FZD7: variants seen among roughly 807,000 people sequenced by gnomAD.
FZD7 encodes the protein frizzled class receptor 7, also known as frizzled-7.
In FZD7, 21 loss-of-function variants were observed where a neutral mutation model predicts 39.0. The ratio of observed to expected loss-of-function variants is 0.54; its 90% CI spans 0.38 to 0.78. The LOEUF (loss-of-function observed/expected upper bound fraction) is 0.78. Among genes scored for constraint, FZD7 ranks in the 30% least tolerant of loss-of-function variants. FZD7 has a pLI of 0.00. For synonymous variants in FZD7, 428 were observed against 364.9 expected, an observed-to-expected ratio of 1.17 and a Z score of -1.97; for missense variants, 695 against 805.0, an observed-to-expected ratio of 0.86 and a Z score of 1.65.
In FZD7 at chr2:202,036,240, G is replaced by T. The variant is rs1190426799; in HGVS notation, c.1593G>T (p.Met531Ile). ...PPMSPDFTVF[M>I]IKYLMTMIVG... is the part of the protein sequence containing the mutation. Reference sequence around the variant, plus strand: ...TGAGCCCCGACTTCACCGTCTTCATGATCAAGTACCTGATGACCATGATCG... The same window carrying T: ...TGAGCCCCGACTTCACCGTCTTCATTATCAAGTACCTGATGACCATGATCG... The change falls in exon 1 of 1, where the codon ATG becomes ATT. Residue 531 changes from methionine to isoleucine, a missense_variant. Met to Ile is a conservative substitution (Grantham distance 10, BLOSUM62 1). Transcript: ENST00000286201. 5 of 1,613,248 alleles carry T rather than the reference G, an allele frequency of 3.1e-6. No homozygotes were observed. The African/African-American group carries it at 5.3e-5, about 17-fold the overall frequency.
In FZD7 at chr2:202,035,579, A is replaced by G. The variant is rs766695859; in HGVS notation, c.932A>G (p.Asp311Gly). ...VAHVAGFLLE[D>G]RAVCVERFSD... is the part of the protein sequence containing the mutation. ...CACGTGGCCGGCTTCCTTCTAGAGG[A>G]CCGCGCCGTGTGCGTGGAGCGCTTC... The change falls in exon 1 of 1, where the codon GAC (aspartate) becomes GGC (glycine). Residue 311 changes from aspartate (D) to glycine (G), a missense_variant. Asp to Gly is a moderately conservative substitution (Grantham distance 94, BLOSUM62 -1). Coordinates refer to ENST00000286201, the MANE Select transcript of FZD7 (RefSeq NM_003507.2). 15 of 1,613,678 alleles carry G rather than the reference A, an allele frequency of 9.3e-6. No homozygotes were observed. The highest frequency in any genetic ancestry group is 8.5e-7 in the Non-Finnish European group (1 of 1,179,980).
rs577245847 is a variant in FZD7, at chr2:202,034,075, G to A, written c.-573G>A. Among the ~76,000 whole-genome samples, 32 of 152,050 alleles carry A rather than the reference G, an allele frequency of 2.1e-4. No homozygotes were observed. Among genetic ancestry groups the A allele is most frequent in the African/African-American group, 7.2e-4 (30 of 41,528 alleles). On this transcript the variant is annotated 5_prime_UTR_variant, in exon 1 of 1. Transcript: ENST00000286201. ...CTCAGCAAGAGCCGGCCGTTTGGCT[G>A]AAACTTGGGGCCGAGCTTTTGGGGC...
chr2:202,034,577 G>T lies in FZD7; in HGVS notation c.-71G>T, dbSNP rs1005445598. 1.5e-6 allele frequency: 2 copies of T among 1,315,410 alleles called. No individual in the cohort carries two copies. Among genetic ancestry groups the T allele is most frequent in the Admixed American group, 2.6e-5 (1 of 38,430 alleles). 81.5% of individuals were successfully genotyped at this position (1,315,410 alleles called of 1,614,324 possible). On this transcript the variant is annotated 5_prime_UTR_variant, in exon 1 of 1. Transcript: ENST00000286201. Reference sequence around the variant, plus strand: ...GCGTCGGGCGCGGCGGCGCCTCCCCGCATCCAAGCCTCTCCCAACCGCCTC... The same window carrying T: ...GCGTCGGGCGCGGCGGCGCCTCCCCTCATCCAAGCCTCTCCCAACCGCCTC...
Position 202,034,665 on chromosome 2 carries a change from G to A in FZD7, c.18G>A (p.Ala6=), listed in dbSNP as rs1340952159. The A allele has an allele frequency of 6.3e-7, 1 of 1,575,962 alleles. No individual in the cohort carries two copies. The highest frequency in any genetic ancestry group is 8.6e-7 in the Non-Finnish European group (1 of 1,168,450). The change falls in exon 1 of 1, where the codon GCG becomes GCA. Residue 6 remains alanine (A), a synonymous_variant. Transcript: ENST00000286201. MRDPG[A]AAPLSSLGLC... ...GGCCGGCGATGCGGGACCCCGGCGCGGCCGCTCCGCTTTCGTCCCTGGGCC... is the reference window on the plus strand; with the variant it reads ...GGCCGGCGATGCGGGACCCCGGCGCAGCCGCTCCGCTTTCGTCCCTGGGCC...
rs1688750871 is a variant in FZD7 at position 202,036,685 on chromosome 2, CTG to C, written c.*316_*317del. On this transcript the variant is annotated 3_prime_UTR_variant, in exon 1 of 1. Transcript: ENST00000286201. ...AGAAGGTTGAGACCAGCAGAGACTG[CTG>C]TGAGTTTCTCCCGGCTCCGAGGCTG... 1.7e-5 allele frequency: 6 copies of C among 357,376 alleles called. No individual in the cohort carries two copies. Among genetic ancestry groups the C allele is most frequent in the Middle Eastern group, 8.6e-4 (1 of 1,162 alleles). The allele number at this position is 357,376 out of a possible 1,614,324, so 22.1% of individuals were successfully genotyped here. A position where few individuals can be genotyped will look rare whatever the true frequency, so the allele number is the denominator to read the frequency against.
Position 202,035,096 on chromosome 2 carries a change from A to G in FZD7, c.449A>G (p.Asn150Ser). ...FQWPERLRCE[N>S]FPVHGAGEIC... ...TGGCCCGAGCGGCTGCGCTGCGAGA[A>G]CTTCCCGGTGCACGGTGCGGGCGAG... Residue 150 changes from asparagine (N) to serine (S), a missense_variant, in exon 1 of 1, where the codon AAC becomes AGC. Coordinates refer to ENST00000286201, the MANE Select transcript of FZD7 (RefSeq NM_003507.2). The G allele has an allele frequency of 6.2e-7, 1 of 1,609,390 alleles. No individual in the cohort carries two copies. The highest frequency in any genetic ancestry group is 1.1e-5 in the South Asian group (1 of 91,014).
In FZD7 at chr2:202,038,113, A is replaced by G. The variant is rs1688777143; in HGVS notation, c.*1741A>G. On this transcript the variant is annotated 3_prime_UTR_variant, in exon 1 of 1. Transcript: ENST00000286201. ...GTAAAGTGTACAAGTTACTTTATATATGTAATGTTCACTTGAGTGGAACTG... is the reference window on the plus strand; with the variant it reads ...GTAAAGTGTACAAGTTACTTTATATGTGTAATGTTCACTTGAGTGGAACTG... The G allele has an allele frequency of 6.0e-6, 1 of 166,700 alleles. No homozygotes were observed. The highest frequency in any genetic ancestry group is 1.5e-5 in the Non-Finnish European group (1 of 68,040). 10.3% of individuals were successfully genotyped at this position (166,700 alleles called of 1,614,324 possible).
In FZD7 at chr2:202,036,484, C is replaced by A; in HGVS notation, c.*112C>A. On this transcript the variant is annotated 3_prime_UTR_variant, in exon 1 of 1. Coordinates refer to ENST00000286201, the MANE Select transcript of FZD7 (RefSeq NM_003507.2). ...GTTTCTGTAACTTTCTCCCCCTCTA[C>A]TGAGAAGTGACCTGGAAGTGAGAAG... The A allele has an allele frequency of 1.2e-6, 1 of 824,212 alleles. No homozygotes were observed. The highest frequency in any genetic ancestry group is 1.9e-6 in the Non-Finnish European group (1 of 526,472). The allele number at this position is 824,212 out of a possible 1,614,324, so 51.1% of individuals were successfully genotyped here. A position where few individuals can be genotyped will look rare whatever the true frequency, so the allele number is the denominator to read the frequency against.
In FZD7 at chr2:202,038,082, G is replaced by GTACACT. The variant is rs1688776553; in HGVS notation, c.*1710_*1711insTACACT. ...CAGTTTTTAAATGCCAATCATAGAG[G>GTACACT]GTACTGTAAAGTGTACAAGTTACTT... On this transcript the variant is annotated 3_prime_UTR_variant, in exon 1 of 1. Coordinates refer to ENST00000286201, the MANE Select transcript of FZD7 (RefSeq NM_003507.2). 4 of 166,906 alleles carry GTACACT rather than the reference G, an allele frequency of 2.4e-5. No homozygotes were observed. The allele number at this position is 166,906 out of a possible 1,614,324, so 10.3% of individuals were successfully genotyped here. A position where few individuals can be genotyped will look rare whatever the true frequency, so the allele number is the denominator to read the frequency against.
Position 202,034,954 on chromosome 2 carries a change from T to C in FZD7, c.307T>C (p.Cys103Arg). ...QCSPELRFFL[C>R]SMYAPVCTVL... is the part of the protein sequence containing the mutation. Reference sequence around the variant, plus strand: ...TTCTCCCGAACTCCGCTTTTTCTTATGCTCCATGTATGCGCCCGTGTGCAC... The same window carrying C: ...TTCTCCCGAACTCCGCTTTTTCTTACGCTCCATGTATGCGCCCGTGTGCAC... The change falls in exon 1 of 1, where the codon TGC (cysteine) becomes CGC (arginine). Residue 103 changes from cysteine (C) to arginine (R), a missense_variant. Transcript: ENST00000286201. 3 of 1,614,184 alleles carry C rather than the reference T, an allele frequency of 1.9e-6. No homozygotes were observed. The highest frequency in any genetic ancestry group is 2.5e-6 in the Non-Finnish European group (3 of 1,180,028).
rs1325621366 is a variant in FZD7, at chr2:202,034,512, GCCGCCCACGGC to G, written c.-132_-122del. ...CAGGCGGCAGCGCCCTTTGCTCCAC[GCCGCCCACGGC>G]CCGGCCCCGGCGCCGTGAGGACTCT... On this transcript the variant is annotated 5_prime_UTR_variant, in exon 1 of 1. Coordinates refer to ENST00000286201, the MANE Select transcript of FZD7 (RefSeq NM_003507.2). The G allele has an allele frequency of 2.0e-5, 13 of 660,952 alleles. No individual in the cohort carries two copies. The highest frequency in any genetic ancestry group is 2.9e-5 in the Non-Finnish European group (13 of 446,098). 40.9% of individuals were successfully genotyped at this position (660,952 alleles called of 1,614,324 possible).
Position 202,035,946 on chromosome 2 carries a change from C to A in FZD7, c.1299C>A (p.Leu433=). 6.2e-7 allele frequency: 1 copy of A among 1,614,148 alleles called. No homozygotes were observed. The highest frequency in any genetic ancestry group is 8.5e-7 in the Non-Finnish European group (1 of 1,180,014). ...TGCTGGCGCCTCTGTTCGTCTACCT[C>A]TTCATAGGCACGTCCTTCTTGCTGG... ...GFVLAPLFVY[L]FIGTSFLLAG... is the part of the protein sequence containing the mutation. Residue 433 remains leucine, a synonymous_variant, in exon 1 of 1, where the codon CTC becomes CTA. Coordinates refer to ENST00000286201, the MANE Select transcript of FZD7 (RefSeq NM_003507.2).
chr2:202,035,213 C>T lies in FZD7; in HGVS notation c.566C>T (p.Pro189Leu), dbSNP rs745501154. 10 of 1,600,062 alleles carry T rather than the reference C, an allele frequency of 6.2e-6. No homozygotes were observed. The highest frequency in any genetic ancestry group is 8.5e-6 in the Non-Finnish European group (10 of 1,179,250). ...YPTAPYLPDL[P>L]FTALPPGASD... is the part of the protein sequence containing the mutation. ...ACCGCGCCCTACCTGCCGGACCTGC[C>T]CTTCACCGCGCTGCCCCCGGGGGCC... Residue 189 changes from proline (P) to leucine (L), a missense_variant, in exon 1 of 1, where the codon CCC (proline) becomes CTC (leucine). Coordinates refer to ENST00000286201, the MANE Select transcript of FZD7 (RefSeq NM_003507.2).
In FZD7 at chr2:202,036,078, C is replaced by G; in HGVS notation, c.1431C>G (p.Leu477=). The G allele has an allele frequency of 1.9e-6, 3 of 1,614,064 alleles. No individual in the cohort carries two copies. Among genetic ancestry groups the G allele is most frequent in the Non-Finnish European group, 2.5e-6 (3 of 1,180,038 alleles). ...TGCGCATCGGCGTCTTCAGCGTGCT[C>G]TACACAGTGCCCGCCACCATCGTCC... is the stretch of plus-strand genomic sequence containing the variant. The part of the protein sequence containing the change: ...LMVRIGVFSV[L]YTVPATIVLA... The change falls in exon 1 of 1, where the codon CTC becomes CTG. Residue 477 remains leucine (L), a synonymous_variant. Transcript: ENST00000286201.
Position 202,034,708 on chromosome 2 carries a change from G to C in FZD7, c.61G>C (p.Ala21Pro), listed in dbSNP as rs978758739. The C allele has an allele frequency of 5.0e-6, 8 of 1,610,074 alleles. No individual in the cohort carries two copies. The African/African-American group carries it at 1.1e-4, about 22-fold the overall frequency. ...SSLGLCALVLALLGALSAGAG... is the reference protein window; with the variant it reads ...SSLGLCALVLPLLGALSAGAG... The stretch of plus-strand genomic sequence containing the variant: ...CCTGGGCCTCTGTGCCCTGGTGCTG[G>C]CGCTGCTGGGCGCACTGTCCGCGGG... Residue 21 changes from alanine to proline, a missense_variant, in exon 1 of 1, where the codon GCG (alanine) becomes CCG (proline). Physicochemically the swap from Ala to Pro is conservative, Grantham distance 27. Coordinates refer to ENST00000286201, the MANE Select transcript of FZD7 (RefSeq NM_003507.2).
In FZD7 at chr2:202,037,439, C is replaced by G. The variant is rs538511055; in HGVS notation, c.*1067C>G. The G allele has an allele frequency of 6.0e-6, 1 of 167,180 alleles. No homozygotes were observed. The highest frequency in any genetic ancestry group is 2.1e-4 in the South Asian group (1 of 4,822). The allele number at this position is 167,180 out of a possible 1,614,324, so 10.4% of individuals were successfully genotyped here. A position where few individuals can be genotyped will look rare whatever the true frequency, so the allele number is the denominator to read the frequency against. On this transcript the variant is annotated 3_prime_UTR_variant, in exon 1 of 1. Coordinates refer to ENST00000286201, the MANE Select transcript of FZD7 (RefSeq NM_003507.2). ...CGTTAAGCCAGAGGTTCTGACTTCG[C>G]TAAAGGAAATGTAAGAGGTTTTGTT...
At position 202,038,360 on chromosome 2, in the gene FZD7, G is replaced by A. The variant is rs1366030346; in HGVS notation, c.*1988G>A. On this transcript the variant is annotated 3_prime_UTR_variant, in exon 1 of 1. Coordinates refer to ENST00000286201, the MANE Select transcript of FZD7 (RefSeq NM_003507.2). The stretch of plus-strand genomic sequence containing the variant: ...TATTGTATTTATACATTTTTACTTT[G>A]GATTTTTGTTTTGTTGGCTTTAAAG... The A allele has an allele frequency of 6.0e-6, 1 of 165,912 alleles. No homozygotes were observed. Among genetic ancestry groups the A allele is most frequent in the Non-Finnish European group, 1.5e-5 (1 of 68,072 alleles). 10.3% of individuals were successfully genotyped at this position (165,912 alleles called of 1,614,324 possible).
In FZD7 at chr2:202,035,175, C is replaced by T. The variant is rs1387823555; in HGVS notation, c.528C>T (p.Pro176=). Residue 176 remains proline, a synonymous_variant, in exon 1 of 1, where the codon CCC becomes CCT. Coordinates refer to ENST00000286201, the MANE Select transcript of FZD7 (RefSeq NM_003507.2). ...SDGSGGPGGG[P]TAYPTAPYLP... is the part of the protein sequence containing the mutation. ...GCTCCGGGGGCCCAGGCGGCGGCCC[C>T]ACTGCCTACCCTACCGCGCCCTACC... 6.2e-7 allele frequency: 1 copy of T among 1,600,976 alleles called. No homozygotes were observed. Among genetic ancestry groups the T allele is most frequent in the Admixed American group, 1.7e-5 (1 of 59,948 alleles).
Position 202,035,454 on chromosome 2 carries a change from C to G in FZD7, c.807C>G (p.Leu269=). Residue 269 remains leucine (L), a synonymous_variant, in exon 1 of 1, where the codon CTC becomes CTG. Transcript: ENST00000286201. ...VWSVLCCAST[L]FTVLTYLVDM... ...CCGTGCTGTGCTGCGCCTCGACGCT[C>G]TTTACCGTTCTCACCTACCTGGTGG... 6.2e-7 allele frequency: 1 copy of G among 1,614,148 alleles called. No homozygotes were observed. The highest frequency in any genetic ancestry group is 1.1e-5 in the South Asian group (1 of 91,086).
Sources: gnomAD v4.1 joint callset for allele counts (sites outside exome capture counted in the v4.1 genomes callset) on GRCh38, gnomAD v4.1.1 for gene constraint, MANE v1.5 for transcripts, NCBI Gene and HGNC (gene_info 2026-07-23, HGNC 2026-07-21) for gene names.